The following CLNK variants were observed in gnomAD, a reference collection of about 807,000 sequenced individuals.
CLNK encodes the protein cytokine-dependent hematopoietic cell linker.
In CLNK, 74 loss-of-function variants were observed where a neutral mutation model predicts 68.6. The observed-to-expected ratio is 1.08, with a 90% CI of 0.89 to 1.31. The LOEUF is 1.31. Ranked by LOEUF, CLNK falls within the 50% of genes most tolerant of loss-of-function variation. The pLI is 0.00. For missense variants in CLNK, 553 were observed against 515.3 expected (o/e 1.07, Z -0.71); for synonymous variants, 198 against 172.2 (o/e 1.15, Z -1.17).
chr4:10,580,362 A>G (rs1720732980), intron 4 of CLNK, among the ~76,000 whole-genome samples: 1 of 152,214 alleles, frequency 6.6e-6, no homozygotes, highest in Non-Finnish European at 1.5e-5. Flanking sequence ...TGTTTACTAT[A>G]TCATACTTTT....
At chr4:10,538,642 G>T (rs1038185578) in intron 11 of CLNK, among the ~76,000 whole-genome samples, 1 of 152,156 alleles carries the variant, frequency 6.6e-6, no homozygotes, top group Non-Finnish European at 1.5e-5. Flanking sequence ...GAGCAAATCT[G>T]CTTACTCCTA....
intron 8 of CLNK, among the ~76,000 whole-genome samples, chr4:10,552,148 G>A (rs368985916): frequency 3.3e-5 from 5 of 151,932 alleles, no homozygotes; most frequent in South Asian, 2.1e-4. Flanking sequence ...GAGCCACCAC[G>A]CCCGGCCGAG....
At chr4:10,561,850 T>C (rs183632964) in intron 7 of CLNK, among the ~76,000 whole-genome samples, 1 of 152,358 alleles carries the variant, frequency 6.6e-6, no homozygotes, top group East Asian at 1.9e-4. Flanking sequence ...ACTCGGTCTC[T>C]TTCCCTACTA....
chr4:10,599,820 T>C (rs950987517), intron 2 of CLNK, among the ~76,000 whole-genome samples: 3 of 152,218 alleles, frequency 2.0e-5, no homozygotes, highest in African/African-American at 7.2e-5. Context: ...CTATTTAATA[T>C]ATTCAGCCTT....
chr4:10,563,821 C>T (rs926854549), intron 7 of CLNK, among the ~76,000 whole-genome samples: 7 of 152,104 alleles, frequency 4.6e-5, no homozygotes, highest in African/African-American at 1.7e-4. Flanking sequence ...GCAGGAGAAC[C>T]ACTTGAACCC....
chr4:10,533,679 C>G (rs1210097725), intron 11 of CLNK, among the ~76,000 whole-genome samples: 1 of 152,030 alleles, frequency 6.6e-6, no homozygotes, highest in Non-Finnish European at 1.5e-5. Flanking sequence ...GAACAAACAC[C>G]CAGAGTATTA....
intron 2 of CLNK, among the ~76,000 whole-genome samples, chr4:10,658,300 A>T (rs1043788686): frequency 1.3e-5 from 2 of 152,222 alleles, no homozygotes; most frequent in African/African-American, 4.8e-5. Flanking sequence ...GAATCTTTAA[A>T]TTGTATCCTG....
chr4:10,618,238 A>C (rs1255466833), intron 2 of CLNK, among the ~76,000 whole-genome samples: 1 of 152,216 alleles, frequency 6.6e-6, no homozygotes, highest in Non-Finnish European at 1.5e-5. Flanking sequence ...TAACCTCAAA[A>C]ATATCATGAA....
intron 5 of CLNK, among the ~76,000 whole-genome samples, chr4:10,568,327 G>A (rs1035626032): frequency 1.3e-5 from 2 of 152,168 alleles, no homozygotes; most frequent in African/African-American, 4.8e-5. Context: ...GAAATGTCTG[G>A]AAGAGGAGGA....
At chr4:10,574,719 G>A (rs2108830255) in intron 4 of CLNK, among the ~76,000 whole-genome samples, 1 of 152,276 alleles carries the variant, frequency 6.6e-6, no homozygotes, top group South Asian at 2.1e-4. Flanking sequence ...AAATCCACAG[G>A]CAGACAGCCT....
chr4:10,588,523 T>A (rs1253422585), intron 3 of CLNK, among the ~76,000 whole-genome samples: 1 of 152,110 alleles, frequency 6.6e-6, no homozygotes, highest in African/African-American at 2.4e-5. Flanking sequence ...ATAAAATAAC[T>A]CGTATTCGTG....
chr4:10,664,263 G>A (rs1311440599), intron 2 of CLNK, among the ~76,000 whole-genome samples: 3 of 152,058 alleles, frequency 2.0e-5, no homozygotes, highest in Non-Finnish European at 4.4e-5. Context: ...TGACTATTCT[G>A]GTTTCTTTGC....
At chr4:10,601,704 G>C (rs1721596849) in intron 2 of CLNK, among the ~76,000 whole-genome samples, 1 of 152,212 alleles carries the variant, frequency 6.6e-6, no homozygotes, top group Non-Finnish European at 1.5e-5. Context: ...CCATTTACTA[G>C]TCTCCTAAGT....
At chr4:10,537,043 G>A (rs956737730) in intron 11 of CLNK, among the ~76,000 whole-genome samples, 2 of 152,204 alleles carry the variant, frequency 1.3e-5, no homozygotes, top group African/African-American at 4.8e-5. Context: ...CTGCATATTA[G>A]CTTCACCTGG....
At chr4:10,710,611 G>T in the CLNK span, among the ~76,000 whole-genome samples, 1,472 of 152,324 alleles carry the variant, frequency 9.7e-3, 7 homozygotes, top group East Asian at 0.057. Flanking sequence ...GACAGTGGAA[G>T]AGACTGTTGC....
rs73216737 is a variant in CLNK at position 10,682,745 on chromosome 4, T to G, written c.-43+1923A>C. ...CTTCCTCATCTTTTCTAAGCCCCAG[T>G]TTCACCTTTTAAATGCTCTAATACG... On this transcript the variant is annotated intron_variant, in intron 1 of 18. Coordinates refer to ENST00000226951, the MANE Select transcript of CLNK (RefSeq NM_052964.4). Among the ~76,000 whole-genome samples, 1,291 of 152,276 alleles carry G rather than the reference T, an allele frequency of 8.5e-3. 19 individuals carry two copies. The highest frequency in any genetic ancestry group is 0.011 in the Non-Finnish European group (746 of 68,022).
At chr4:10,515,491 A>G (rs1717799279) in intron 15 of CLNK, among the ~76,000 whole-genome samples, 1 of 152,152 alleles carries the variant, frequency 6.6e-6, no homozygotes, top group Middle Eastern at 3.2e-3. Flanking sequence ...AAAAAATGAA[A>G]CATCATCTTT....
chr4:10,654,224 G>A (rs557704764), intron 2 of CLNK, among the ~76,000 whole-genome samples: 1 of 151,660 alleles, frequency 6.6e-6, no homozygotes, highest in East Asian at 1.9e-4. Flanking sequence ...AATATGTCAT[G>A]ACCAAGTTGA....
chr4:10,595,073 C>T (rs1350656136), intron 3 of CLNK, among the ~76,000 whole-genome samples: 3 of 152,116 alleles, frequency 2.0e-5, no homozygotes, highest in Non-Finnish European at 4.4e-5. Context: ...AAGAGTGAAA[C>T]CCCGTCTCAA....
Sources: gnomAD v4.1 joint callset for allele counts (sites outside exome capture counted in the v4.1 genomes callset) on GRCh38, gnomAD v4.1.1 for gene constraint, MANE v1.5 for transcripts, NCBI Gene and HGNC (gene_info 2026-07-23, HGNC 2026-07-21) for gene names.